PCOLCE: variants seen among roughly 807,000 people sequenced by gnomAD.
PCOLCE encodes procollagen C-endopeptidase enhancer.
In PCOLCE, 33 loss-of-function variants were observed where a neutral mutation model predicts 47.2. The observed-to-expected ratio is 0.70, with a 90% CI of 0.53 to 0.93. PCOLCE has a LOEUF of 0.93. Among genes scored for constraint, PCOLCE ranks in the 40% least tolerant of loss-of-function variants. The pLI is 0.00. For synonymous variants in PCOLCE, 254 were observed against 252.5 expected (o/e 1.01, Z -0.06); for missense variants, 584 against 585.3 (o/e 1.00, Z 0.02).
chr7:100,607,386 C>A (rs1302494261), intron 6 of PCOLCE, 66 bp from the exon 7 acceptor site: 2 of 1,260,722 alleles, frequency 1.6e-6, no homozygotes, highest in Non-Finnish European at 2.3e-6. Context: ...GTCAATGAGG[C>A]TGTTATGGGG....
chr7:100,606,582 C>T lies in PCOLCE; in HGVS notation c.892C>T (p.Pro298Ser), dbSNP rs1802721960. 6.2e-7 allele frequency: 1 copy of T among 1,613,864 alleles called. No individual in the cohort carries two copies. Among genetic ancestry groups the T allele is most frequent in the East Asian group, 2.2e-5 (1 of 44,874 alleles). The change falls in exon 6 of 9, where the codon CCC becomes TCC. Residue 298 changes from proline to serine, a missense_variant. Physicochemically the swap from Pro to Ser is moderately conservative, Grantham distance 74. Coordinates refer to ENST00000223061, the MANE Select transcript of PCOLCE (RefSeq NM_002593.4). ...RGTEPKVKLP[P>S]KSQPPEKTEE... is the part of the protein sequence containing the mutation. ...AACTGAGCCTAAAGTCAAGCTGCCC[C>T]CCAAGTCCCAACCTCCGGAGAAAAC... is the stretch of plus-strand genomic sequence containing the variant.
rs546504232 is a variant in PCOLCE at position 100,605,172 on chromosome 7, C to A, written c.545C>A (p.Pro182Gln). The A allele has an allele frequency of 6.2e-7, 1 of 1,613,054 alleles. No individual in the cohort carries two copies. Among genetic ancestry groups the A allele is most frequent in the East Asian group, 2.2e-5 (1 of 44,840 alleles). ...AACTGGCCCGAGTCCGATTACCCCCCGGGCATCAGCTGTTCCTGGCACATC... is the reference window on the plus strand; with the variant it reads ...AACTGGCCCGAGTCCGATTACCCCCAGGGCATCAGCTGTTCCTGGCACATC... ...TPNWPESDYP[P>Q]GISCSWHIIA... is the part of the protein sequence containing the mutation. Residue 182 changes from proline (P) to glutamine (Q), a missense_variant, in exon 4 of 9, where the codon CCG (proline) becomes CAG (glutamine). Transcript: ENST00000223061. This position sits in a 1 kb window ranked among gnomAD's most constrained non-coding sequence, Gnocchi z 6.1.
chr7:100,606,001 G>C, intron 5 of PCOLCE, 189 bp downstream of exon 5: 1 of 634,458 alleles, frequency 1.6e-6, no homozygotes, highest in Non-Finnish European at 2.7e-6. Context: ...CGGATAGAGA[G>C]GCGACTGGGG....
chr7:100,603,051 C>T (rs2686815), intron 1 of PCOLCE: 91,429 of 230,446 alleles, frequency 0.4, 20,434 homozygotes, highest in Middle Eastern at 0.59. Context: ...CCCTCCCCCC[C>T]ACCGCCTCGT....
At chr7:100,603,171 T>C (rs1431630759) in intron 1 of PCOLCE, 2 of 356,924 alleles carry the variant, frequency 5.6e-6, no homozygotes, top group Admixed American at 1.1e-4. Context: ...GAATTCCTGT[T>C]GGGGTGGGGG....
Position 100,605,491 on chromosome 7 carries a change from C to T in PCOLCE, c.589-185C>T, listed in dbSNP as rs2131288992. On this transcript the variant is annotated intron_variant, in intron 4 of 8. Coordinates refer to ENST00000223061, the MANE Select transcript of PCOLCE (RefSeq NM_002593.4). The surrounding 1 kb of genome is among the most constrained non-coding windows in gnomAD (Gnocchi z 6.1). ...ACTTGACCTTGCCAACCACGACGACCGACACCCCTGCAGGGTCCCATGGGT... is the reference window on the plus strand; with the variant it reads ...ACTTGACCTTGCCAACCACGACGACTGACACCCCTGCAGGGTCCCATGGGT... 1.3e-6 allele frequency: 1 copy of T among 749,132 alleles called. No individual in the cohort carries two copies. Among genetic ancestry groups the T allele is most frequent in the East Asian group, 2.7e-5 (1 of 36,510 alleles). 46.4% of individuals were successfully genotyped at this position (749,132 alleles called of 1,614,324 possible).
Position 100,604,826 on chromosome 7 carries a change from G to C in PCOLCE, c.464-265G>C. On this transcript the variant is annotated intron_variant, in intron 3 of 8. Coordinates refer to ENST00000223061, the MANE Select transcript of PCOLCE (RefSeq NM_002593.4). This position sits in a 1 kb window ranked among gnomAD's most constrained non-coding sequence, Gnocchi z 6.4. Reference sequence around the variant, plus strand: ...GCGCGGTGCGGCCGCGGGTCGGGGAGGGGCCAGAAGGGGGCGTCCAGCCAG... The same window carrying C: ...GCGCGGTGCGGCCGCGGGTCGGGGACGGGCCAGAAGGGGGCGTCCAGCCAG... 1 of 487,114 alleles carries C rather than the reference G, an allele frequency of 2.1e-6. No homozygotes were observed. The allele number at this position is 487,114 out of a possible 1,614,324, so 30.2% of individuals were successfully genotyped here.
Position 100,604,184 on chromosome 7 carries a change from C to T in PCOLCE, c.430C>T (p.Leu144Phe), listed in dbSNP as rs373721463. 7.4e-6 allele frequency: 12 copies of T among 1,613,056 alleles called. No homozygotes were observed. The highest frequency in any genetic ancestry group is 1.1e-5 in the South Asian group (1 of 91,080). ...DEGTGGRGFL[L>F]WYSGRATSGT... ...GGGCACAGGAGGACGAGGCTTCCTG[C>T]TCTGGTACAGCGGGCGGGCCACCTC... Residue 144 changes from leucine (L) to phenylalanine (F), a missense_variant, in exon 3 of 9, where the codon CTC (leucine) becomes TTC (phenylalanine). Coordinates refer to ENST00000223061, the MANE Select transcript of PCOLCE (RefSeq NM_002593.4). The surrounding 1 kb of genome is among the most constrained non-coding windows in gnomAD (Gnocchi z 6.4).
chr7:100,604,032 A>T lies in PCOLCE; in HGVS notation c.278A>T (p.Asp93Val), dbSNP rs372206541. The T allele has an allele frequency of 6.2e-7, 1 of 1,607,058 alleles. No individual in the cohort carries two copies. The highest frequency in any genetic ancestry group is 8.5e-7 in the Non-Finnish European group (1 of 1,179,976). Residue 93 changes from aspartate to valine, a missense_variant, in exon 3 of 9, where the codon GAT becomes GTT. Transcript: ENST00000223061. This position sits in a 1 kb window ranked among gnomAD's most constrained non-coding sequence, Gnocchi z 6.4. ...GAGCTGCACCCCGCCTGCCGCTACG[A>T]TGCTCTGGAGGTCTTCGCTGGGTCT... ...DLELHPACRY[D>V]ALEVFAGSGT... is the part of the protein sequence containing the mutation.
Position 100,606,602 on chromosome 7 carries a change from G to C in PCOLCE, c.912G>C (p.Glu304Asp), listed in dbSNP as rs1309586275. 6.2e-7 allele frequency: 1 copy of C among 1,612,114 alleles called. No homozygotes were observed. Among genetic ancestry groups the C allele is most frequent in the Non-Finnish European group, 8.5e-7 (1 of 1,178,402 alleles). The part of the protein sequence containing the change: ...VKLPPKSQPP[E>D]KTEESPSAPD... ...TGCCCCCCAAGTCCCAACCTCCGGA[G>C]AAAACAGAGGAATCTCCTTCAGCCC... Residue 304 changes from glutamate to aspartate, a missense_variant, in exon 6 of 9, where the codon GAG (glutamate) becomes GAC (aspartate). Physicochemically the swap from Glu to Asp is conservative, Grantham distance 45 (BLOSUM62 2). Transcript: ENST00000223061.
intron 6 of PCOLCE, among the ~76,000 whole-genome samples, chr7:100,606,984 G>A (rs1168213197): frequency 1.3e-5 from 2 of 151,904 alleles, no homozygotes; most frequent in East Asian, 1.9e-4. Flanking sequence ...CCAGCTACTC[G>A]GGAGGCTGAG....
In PCOLCE at chr7:100,605,693, C is replaced by T. The variant is rs374494754; in HGVS notation, c.606C>T (p.Phe202=). 1,261 of 1,583,516 alleles carry T rather than the reference C, an allele frequency of 8.0e-4. 1 individual carries two copies. The highest frequency in any genetic ancestry group is 9.6e-4 in the Non-Finnish European group (1,113 of 1,165,258). ...APPDQVIALT[F]EKFDLEPDTY... ...GCCGCCAGGTCATCGCGCTGACCTT[C>T]GAGAAGTTTGACCTGGAGCCGGACA... The change falls in exon 5 of 9, where the codon TTC becomes TTT. Residue 202 remains phenylalanine (F), a synonymous_variant. Coordinates refer to ENST00000223061, the MANE Select transcript of PCOLCE (RefSeq NM_002593.4). The surrounding 1 kb of genome is among the most constrained non-coding windows in gnomAD (Gnocchi z 6.1).
At chr7:100,602,806 A>AC (rs1208930338) in intron 1 of PCOLCE, 26 of 535,882 alleles carry the variant, frequency 4.9e-5, no homozygotes, top group Admixed American at 1.0e-4. Flanking sequence ...CAGATCCTTG[A>AC]CCCCCCATAG....
intron 2 of PCOLCE, 192 bp from the exon 3 acceptor site, chr7:100,603,767 G>T: frequency 1.6e-6 from 1 of 642,994 alleles, no homozygotes; most frequent in South Asian, 1.9e-5. Flanking sequence ...CTCTTCCAAA[G>T]CCTCAGCTCT....
In PCOLCE at chr7:100,604,895, CCA is replaced by C. The variant is rs1479627963; in HGVS notation, c.464-195_464-194del. 1 of 536,902 alleles carries C rather than the reference CCA, an allele frequency of 1.9e-6. No homozygotes were observed. The highest frequency in any genetic ancestry group is 3.3e-6 in the Non-Finnish European group (1 of 300,042). The allele number at this position is 536,902 out of a possible 1,614,324, so 33.3% of individuals were successfully genotyped here. A position where few individuals can be genotyped will look rare whatever the true frequency, so the allele number is the denominator to read the frequency against. On this transcript the variant is annotated intron_variant, in intron 3 of 8. Coordinates refer to ENST00000223061, the MANE Select transcript of PCOLCE (RefSeq NM_002593.4). The surrounding 1 kb of genome is among the most constrained non-coding windows in gnomAD (Gnocchi z 6.4). Reference sequence around the variant, plus strand: ...CCGCCCGCCAGTGCGCCCTGCGGCCCCAGACTTCCCCGAGCCGCGCTCCTCCC... The same window carrying C: ...CCGCCCGCCAGTGCGCCCTGCGGCCCGACTTCCCCGAGCCGCGCTCCTCCC...
chr7:100,604,848 C>T lies in PCOLCE; in HGVS notation c.464-243C>T. The T allele has an allele frequency of 1.9e-6, 1 of 513,624 alleles. No individual in the cohort carries two copies. The highest frequency in any genetic ancestry group is 3.5e-6 in the Non-Finnish European group (1 of 286,334). 31.8% of individuals were successfully genotyped at this position (513,624 alleles called of 1,614,324 possible). ...GGAGGGGCCAGAAGGGGGCGTCCAG[C>T]CAGTTCCTCCTCCCGCTTCCACCGC... On this transcript the variant is annotated intron_variant, in intron 3 of 8. Transcript: ENST00000223061. The surrounding 1 kb of genome is among the most constrained non-coding windows in gnomAD (Gnocchi z 6.4).
At chr7:100,603,819 C>A (rs1229413338) in intron 2 of PCOLCE, 140 bp from the exon 3 acceptor site, 3 of 913,084 alleles carry the variant, frequency 3.3e-6, no homozygotes, top group Admixed American at 2.4e-5. Context: ...AGAGACCAGG[C>A]CCTCTGCTCT....
chr7:100,608,076 T>C lies in PCOLCE; in HGVS notation c.1323T>C (p.Pro441=). Residue 441 remains proline (P), a synonymous_variant, in exon 9 of 9, where the codon CCT becomes CCC. Coordinates refer to ENST00000223061, the MANE Select transcript of PCOLCE (RefSeq NM_002593.4). ...NLSKRKCPSQ[P]VRAAASQD ...GCAAGAGGAAGTGCCCCTCTCAACC[T>C]GTGCGGGCTGCTGCGTCCCAGGACT... is the stretch of plus-strand genomic sequence containing the variant. The C allele has an allele frequency of 6.2e-7, 1 of 1,613,794 alleles. No individual in the cohort carries two copies.
At position 100,605,664 on chromosome 7, in the gene PCOLCE, GC is replaced by G. The variant is rs2131289123; in HGVS notation, c.589-9del. 1.3e-6 allele frequency: 2 copies of G among 1,571,958 alleles called. No individual in the cohort carries two copies. Among genetic ancestry groups the G allele is most frequent in the East Asian group, 4.7e-5 (2 of 42,416 alleles). Reference sequence around the variant, plus strand: ...GTCCCGCCGCGCAGTCCCCGCCTCCGCCCGCCGCCAGGTCATCGCGCTGACC... The same window carrying G: ...GTCCCGCCGCGCAGTCCCCGCCTCCGCCGCCGCCAGGTCATCGCGCTGACC... On this transcript the variant is annotated splice_polypyrimidine_tract_variant and intron_variant, in intron 4 of 8. Coordinates refer to ENST00000223061, the MANE Select transcript of PCOLCE (RefSeq NM_002593.4). This position sits in a 1 kb window ranked among gnomAD's most constrained non-coding sequence, Gnocchi z 6.1.
Sources: gnomAD v4.1 joint callset for allele counts (sites outside exome capture counted in the v4.1 genomes callset) on GRCh38, gnomAD v4.1.1 for gene constraint, Gnocchi (gnomAD v3.1) non-coding constraint, MANE v1.5 for transcripts, NCBI Gene and HGNC (gene_info 2026-07-23, HGNC 2026-07-21) for gene names.